Variants in ZNF385D observed in about 807,000 individuals in gnomAD.
ZNF385D encodes the protein zinc finger protein 659.
Under a neutral mutation model 35.8 loss-of-function variants are expected in ZNF385D, and 15 were observed. That is an observed-to-expected ratio of 0.42 (90% CI 0.28 to 0.64). The LOEUF (loss-of-function observed/expected upper bound fraction) is 0.64. Ranked by LOEUF, ZNF385D falls within the 30% of genes least tolerant of loss-of-function variation. The pLI, the probability that ZNF385D is intolerant of heterozygous loss-of-function variation, is 0.23. For synonymous variants in ZNF385D, 212 were observed against 186.8 expected, an observed-to-expected ratio of 1.13 and a Z score of -1.10; for missense variants, 474 against 494.6, an observed-to-expected ratio of 0.96 and a Z score of 0.39.
chr3:22,359,788 A>T (rs1421939991), intron 2 of ZNF385D, among the ~76,000 whole-genome samples: 1 of 151,960 alleles, frequency 6.6e-6, no homozygotes, highest in Non-Finnish European at 1.5e-5. Context: ...TCTCATTGGT[A>T]AGGAAACTAG....
At chr3:22,261,745 C>G (rs563940509) in intron 2 of ZNF385D, among the ~76,000 whole-genome samples, 2 of 152,058 alleles carry the variant, frequency 1.3e-5, no homozygotes, top group East Asian at 3.9e-4. Flanking sequence ...TCGTGTTCCT[C>G]TAACCAAAGG....
intron 3 of ZNF385D, among the ~76,000 whole-genome samples, chr3:21,848,578 C>A (rs977467753): frequency 6.6e-6 from 1 of 151,664 alleles, no homozygotes; most frequent in Admixed American, 6.6e-5. Flanking sequence ...TACAGAAATA[C>A]AAAGAATCAA....
intron 3 of ZNF385D, among the ~76,000 whole-genome samples, chr3:21,826,436 G>T (rs1405699262): frequency 6.6e-6 from 1 of 152,128 alleles, no homozygotes; most frequent in Non-Finnish European, 1.5e-5. Context: ...GACACTAGTT[G>T]GAAGAAATAT....
intron 3 of ZNF385D, among the ~76,000 whole-genome samples, chr3:21,956,369 T>A (rs1252160134): frequency 1.3e-5 from 2 of 151,950 alleles, no homozygotes; most frequent in African/African-American, 2.4e-5. Flanking sequence ...ACACTTATTA[T>A]ATTTTATAAT....
At chr3:22,075,964 T>A (rs760647871) in intron 3 of ZNF385D, among the ~76,000 whole-genome samples, 13 of 151,912 alleles carry the variant, frequency 8.6e-5, no homozygotes, top group Admixed American at 2.6e-4. Flanking sequence ...CTTCTTTAAT[T>A]CCCCATGCCC....
chr3:21,708,848 T>C (rs2067998573), intron 1 of ZNF385D, among the ~76,000 whole-genome samples: 3 of 143,558 alleles, frequency 2.1e-5, no homozygotes, highest in Admixed American at 2.1e-4. Flanking sequence ...GCATCCGAAG[T>C]GTGTGTGGGC....
At chr3:21,954,944 C>T (rs1702219729) in intron 3 of ZNF385D, among the ~76,000 whole-genome samples, 2 of 152,102 alleles carry the variant, frequency 1.3e-5, no homozygotes, top group African/African-American at 4.8e-5. Context: ...AAGCAGCCTG[C>T]AAGGCTGTCT....
At chr3:22,278,244 C>T (rs904929213) in intron 2 of ZNF385D, among the ~76,000 whole-genome samples, 1 of 139,494 alleles carries the variant, frequency 7.2e-6, no homozygotes, top group African/African-American at 2.8e-5. Context: ...AAGTAATTAA[C>T]TCAAAAAGTA....
chr3:22,004,223 A>G (rs1275630641), intron 3 of ZNF385D, among the ~76,000 whole-genome samples: 1 of 152,138 alleles, frequency 6.6e-6, no homozygotes, highest in Non-Finnish European at 1.5e-5. Flanking sequence ...AATAAATGGT[A>G]CTGGGAAAGC....
chr3:21,833,512 T>A (rs549142619), intron 3 of ZNF385D, among the ~76,000 whole-genome samples: 3 of 152,064 alleles, frequency 2.0e-5, no homozygotes, highest in Non-Finnish European at 4.4e-5. Flanking sequence ...AGGCCAGGAG[T>A]GGTTTTCCCA....
At chr3:21,567,838 GT>G (rs758892443) in intron 2 of ZNF385D, among the ~76,000 whole-genome samples, 22 of 151,826 alleles carry the variant, frequency 1.4e-4, no homozygotes, top group Non-Finnish European at 2.5e-4. Flanking sequence ...ATTATTTTGG[GT>G]TTTTTTTAGT....
chr3:21,775,840 G>A lies in ZNF385D; in HGVS notation c.326-110812C>T, dbSNP rs555541615. On this transcript the variant is annotated intron_variant, in intron 3 of 5. Coordinates refer to the ZNF385D transcript ENST00000494108. ...TCTAGAGCTCATTTGTATAAATAGCGTTTTCCAGTAATTATAAAATTAAGA... is the reference window on the plus strand; with the variant it reads ...TCTAGAGCTCATTTGTATAAATAGCATTTTCCAGTAATTATAAAATTAAGA... 3.6e-4 allele frequency among the ~76,000 whole-genome samples: 55 copies of A among 151,626 alleles called. 1 individual carries two copies. Among genetic ancestry groups the A allele is most frequent in the Non-Finnish European group, 5.9e-4 (40 of 67,804 alleles).
chr3:21,735,186 T>C (rs1014885515), intron 1 of ZNF385D, among the ~76,000 whole-genome samples: 3 of 152,196 alleles, frequency 2.0e-5, no homozygotes, highest in Non-Finnish European at 4.4e-5. Flanking sequence ...CCACACTCTA[T>C]ATGACATTGG....
chr3:22,239,361 A>G (rs1699363756), intron 2 of ZNF385D, among the ~76,000 whole-genome samples: 1 of 151,084 alleles, frequency 6.6e-6, no homozygotes, highest in East Asian at 2.0e-4. Flanking sequence ...AATATTTACT[A>G]TCTATTCCTT....
At chr3:21,573,063 A>C (rs574707898) in intron 2 of ZNF385D, among the ~76,000 whole-genome samples, 1 of 152,288 alleles carries the variant, frequency 6.6e-6, no homozygotes, top group South Asian at 2.1e-4. Context: ...AATTCAAGAA[A>C]TCTAACTCCG....
At chr3:21,669,578 A>C (rs1683549871) in intron 1 of ZNF385D, among the ~76,000 whole-genome samples, 1 of 152,222 alleles carries the variant, frequency 6.6e-6, no homozygotes, top group Non-Finnish European at 1.5e-5. Flanking sequence ...TAATATGTAA[A>C]TTTAGACATG....
At position 21,980,320 on chromosome 3, in the gene ZNF385D, G is replaced by A. The variant is rs114383209; in HGVS notation, c.325+188497C>T. Among the ~76,000 whole-genome samples, 382 of 152,192 alleles carry A rather than the reference G, an allele frequency of 2.5e-3. 3 individuals carry two copies. Among genetic ancestry groups the A allele is most frequent in the African/African-American group, 8.7e-3 (360 of 41,540 alleles). ...TGAACTAGAACAACTCAGCTAAGTC[G>A]CTTTTGAATTCCTGACTCATGGAAA... On this transcript the variant is annotated intron_variant, in intron 3 of 5. Transcript: ENST00000494108.
intron 3 of ZNF385D, among the ~76,000 whole-genome samples, chr3:21,912,979 G>A (rs944649216): frequency 6.6e-6 from 1 of 152,030 alleles, no homozygotes; most frequent in African/African-American, 2.4e-5. Flanking sequence ...ACAGAATTGT[G>A]ATAATAATTT....
chr3:21,549,577 G>A (rs759625295), intron 3 of ZNF385D, among the ~76,000 whole-genome samples: 107 of 152,146 alleles, frequency 7.0e-4, no homozygotes, highest in Non-Finnish European at 4.3e-4. Flanking sequence ...CAACCTATAG[G>A]CCATCACCAC....
Sources: gnomAD v4.1 joint callset for allele counts (sites outside exome capture counted in the v4.1 genomes callset) on GRCh38, gnomAD v4.1.1 for gene constraint, MANE v1.5 for transcripts, NCBI Gene and HGNC (gene_info 2026-07-23, HGNC 2026-07-21) for gene names.